Variants in DCP2 observed in about 807,000 individuals in gnomAD.
The protein encoded by DCP2 is m7GpppN-mRNA hydrolase.
DCP2 carries 30 observed loss-of-function variants against 56.1 expected under a neutral mutation model. The ratio of observed to expected loss-of-function variants is 0.53; its 90% CI spans 0.40 to 0.73. DCP2 has a LOEUF of 0.73. DCP2 is among the 30% of genes least tolerant of loss of function. DCP2 has a pLI of 0.00. For missense variants in DCP2, 533 were observed against 502.7 expected (o/e 1.06, Z -0.58); for synonymous variants, 197 against 163.3 (o/e 1.21, Z -1.57).
intron 2 of DCP2, among the ~76,000 whole-genome samples, chr5:112,991,763 T>C (rs1332047959): frequency 6.6e-6 from 1 of 152,226 alleles, no homozygotes; most frequent in East Asian, 1.9e-4. Context: ...TGAATTTGAC[T>C]CACTTAACGA....
intron 2 of DCP2, among the ~76,000 whole-genome samples, chr5:112,988,360 C>T (rs1040577989): frequency 2.0e-5 from 3 of 150,386 alleles, no homozygotes; most frequent in Non-Finnish European, 4.4e-5. Context: ...GGCGTGGTGG[C>T]GGGCGCTTGT....
chr5:112,986,634 A>G (rs1317137558), intron 2 of DCP2, among the ~76,000 whole-genome samples: 1 of 152,070 alleles, frequency 6.6e-6, no homozygotes, highest in African/African-American at 2.4e-5. Flanking sequence ...CGCTGTGCCC[A>G]GTGACATTTA....
intron 2 of DCP2, 159 bp downstream of exon 2, chr5:112,986,145 TAATC>T: frequency 5.0e-6 from 3 of 602,780 alleles, no homozygotes; most frequent in Non-Finnish European, 8.1e-6. Context: ...AATTTAGTAA[TAATC>T]ATATTAATAA....
chr5:112,987,028 T>G (rs190955388), intron 2 of DCP2, among the ~76,000 whole-genome samples: 1 of 152,308 alleles, frequency 6.6e-6, no homozygotes, highest in African/African-American at 2.4e-5. Context: ...ATCTTTGCCT[T>G]CAGAGAAGCT....
chr5:113,001,245 CAA>C lies in DCP2; in HGVS notation c.585+10_585+11del, dbSNP rs754818941. 84 of 1,611,900 alleles carry C rather than the reference CAA, an allele frequency of 5.2e-5. No homozygotes were observed. Among genetic ancestry groups the C allele is most frequent in the African/African-American group, 1.6e-4 (12 of 74,932 alleles). ...CTAGAAGAGAAATTCGGGTATGTAA[CAA>C]GAGTATTTTCAGGTTACTGGACAGT... On this transcript the variant is annotated intron_variant, in intron 5 of 10. Transcript: ENST00000389063.
chr5:112,980,341 T>G (rs1246225618), intron 1 of DCP2, among the ~76,000 whole-genome samples: 1 of 152,224 alleles, frequency 6.6e-6, no homozygotes, highest in African/African-American at 2.4e-5. Context: ...TGCTGCTATT[T>G]TGGTGATAGC....
intron 4 of DCP2, among the ~76,000 whole-genome samples, chr5:112,993,482 TG>T (rs1326515007): frequency 6.6e-6 from 1 of 151,854 alleles, no homozygotes; most frequent in Non-Finnish European, 1.5e-5. Flanking sequence ...AAAAATTAGC[TG>T]GGCGTGGTGG....
intron 8 of DCP2, among the ~76,000 whole-genome samples, 178 bp downstream of exon 8, chr5:113,004,255 C>T (rs192447661): frequency 2.1e-4 from 32 of 152,260 alleles, no homozygotes; most frequent in Middle Eastern, 3.4e-3. Flanking sequence ...TTTACAGTTC[C>T]GGTGTAAATC....
chr5:112,992,080 CAT>C, intron 2 of DCP2, 39 bp from the exon 3 acceptor site: 1 of 1,603,594 alleles, frequency 6.2e-7, no homozygotes, highest in Non-Finnish European at 8.5e-7. Flanking sequence ...TTTCTCAAGC[CAT>C]ATTAAAGGAG....
At chr5:112,997,161 A>G (rs1748899045) in intron 4 of DCP2, among the ~76,000 whole-genome samples, 1 of 152,368 alleles carries the variant, frequency 6.6e-6, no homozygotes. Flanking sequence ...GTTTGGTGAC[A>G]TGGAATGTTA....
chr5:112,977,067 C>T (rs1747742356), intron 1 of DCP2, 81 bp downstream of exon 1: 6 of 1,106,418 alleles, frequency 5.4e-6, no homozygotes, highest in African/African-American at 1.6e-5. Flanking sequence ...GGGTCTTCTT[C>T]CCCGCCCACG....
chr5:112,991,836 T>C (rs1433066904), intron 2 of DCP2, among the ~76,000 whole-genome samples: 5 of 152,176 alleles, frequency 3.3e-5, no homozygotes, highest in Non-Finnish European at 7.4e-5. Flanking sequence ...GGACTGTGAG[T>C]ACTAAAAACT....
Position 113,021,887 on chromosome 5 carries a change from C to T in DCP2, c.*8403C>T, listed in dbSNP as rs1354694364. 6.6e-6 allele frequency among the ~76,000 whole-genome samples: 1 copy of T among 152,124 alleles called. No homozygotes were observed. Among genetic ancestry groups the T allele is most frequent in the Non-Finnish European group, 1.5e-5 (1 of 67,996 alleles). On this transcript the variant is annotated 3_prime_UTR_variant, in exon 11 of 11. Coordinates refer to ENST00000389063, the MANE Select transcript of DCP2 (RefSeq NM_152624.6). The stretch of plus-strand genomic sequence containing the variant: ...AAAGACTCTCTTCAATAGATAACTT[C>T]CTATTTATGCCAAATTTTAAAAAGC...
rs2150199971 is a variant in DCP2, at chr5:113,021,434, C to T, written c.*7950C>T. ...CAGGAAGAAATATTGTCGAGAGTCTCTGCAAAAATGAAAATACCTCAAACA... is the reference window on the plus strand; with the variant it reads ...CAGGAAGAAATATTGTCGAGAGTCTTTGCAAAAATGAAAATACCTCAAACA... On this transcript the variant is annotated 3_prime_UTR_variant, in exon 11 of 11. Transcript: ENST00000389063. 6.7e-6 allele frequency among the ~76,000 whole-genome samples: 1 copy of T among 149,224 alleles called. No individual in the cohort carries two copies. The highest frequency in any genetic ancestry group is 2.0e-4 in the East Asian group (1 of 5,102).
chr5:113,001,764 T>G (rs1357113829), intron 7 of DCP2, 90 bp downstream of exon 7: 9 of 1,225,170 alleles, frequency 7.3e-6, no homozygotes, highest in Non-Finnish European at 9.5e-6. Context: ...GCAGAGGATG[T>G]AAGATTTCTT....
intron 1 of DCP2, 113 bp downstream of exon 1, chr5:112,977,099 C>G (rs917926475): frequency 1.3e-6 from 1 of 744,626 alleles, no homozygotes; most frequent in East Asian, 3.1e-5. Context: ...GCTTTCCGCT[C>G]CCGCCGCTGC....
intron 1 of DCP2, among the ~76,000 whole-genome samples, chr5:112,979,660 C>G (rs1183302124): frequency 1.3e-5 from 2 of 152,146 alleles, no homozygotes; most frequent in South Asian, 4.1e-4. Flanking sequence ...GAGCAGCAGA[C>G]TTAAATTTTC....
chr5:113,007,861 A>C, intron 8 of DCP2, 77 bp from the exon 9 acceptor site: 1 of 1,297,256 alleles, frequency 7.7e-7, no homozygotes, highest in Non-Finnish European at 1.1e-6. Context: ...AACCAGCTAA[A>C]CATATTCATG....
chr5:112,986,797 T>G (rs1256548298), intron 2 of DCP2, among the ~76,000 whole-genome samples: 1 of 152,144 alleles, frequency 6.6e-6, no homozygotes, highest in African/African-American at 2.4e-5. Context: ...CTCAGGAGTT[T>G]GAGACCGGCC....
Sources: gnomAD v4.1 joint callset for allele counts (sites outside exome capture counted in the v4.1 genomes callset) on GRCh38, gnomAD v4.1.1 for gene constraint, MANE v1.5 for transcripts, NCBI Gene and HGNC (gene_info 2026-07-23, HGNC 2026-07-21) for gene names.